DYSF: variants seen among roughly 807,000 people sequenced by gnomAD.
The protein encoded by DYSF is dystrophy-associated fer-1-like 1.
A neutral mutation model predicts 274.9 loss-of-function variants in DYSF; 212 were observed. The observed-to-expected ratio is 0.77, with a 90% CI of 0.69 to 0.86. The LOEUF (loss-of-function observed/expected upper bound fraction) is 0.86, where lower values mean the gene tolerates loss of function less well. Ranked by LOEUF, DYSF falls within the 40% of genes least tolerant of loss-of-function variation. DYSF has a pLI of 0.00. For synonymous variants in DYSF, 1,091 were observed against 1,078.7 expected (o/e 1.01, Z -0.22); for missense variants, 2,666 against 2,783.2 (o/e 0.96, Z 0.95).
At chr2:71,574,520 G>C in intron 30 of DYSF, 149 bp downstream of exon 30, 1 of 983,448 alleles carries the variant, frequency 1.0e-6, no homozygotes, top group South Asian at 1.7e-5. Context: ...GTACCTGTGG[G>C]GTGGCATGTG....
Position 71,561,892 on chromosome 2 carries a change from C to A in DYSF, c.2357C>A (p.Ala786Asp). The part of the protein sequence containing the change: ...LKLGHSELPA[A>D]LEQAEDWLLR... The stretch of plus-strand genomic sequence containing the variant: ...CTCGGCCACAGTGAGCTCCCTGCAG[C>A]TCTGGAGCAGGCGGAGGACTGGCTC... The change falls in exon 23 of 56, where the codon GCT becomes GAT. Residue 786 changes from alanine to aspartate, a missense_variant. Transcript: ENST00000410020. The A allele has an allele frequency of 6.2e-7, 1 of 1,614,192 alleles. No individual in the cohort carries two copies. Among genetic ancestry groups the A allele is most frequent in the South Asian group, 1.1e-5 (1 of 91,084 alleles).
At chr2:71,678,969 G>A in intron 52 of DYSF, 88 bp from the exon 53 acceptor site, 1 of 1,299,704 alleles carries the variant, frequency 7.7e-7, no homozygotes, top group Non-Finnish European at 1.1e-6. Flanking sequence ...AGGTGACTGA[G>A]TTTTTCCTGA....
Position 71,563,865 on chromosome 2 carries a change from C to T in DYSF, c.2410-193C>T, listed in dbSNP as rs757329776. 3.3e-5 allele frequency among the ~76,000 whole-genome samples: 5 copies of T among 152,198 alleles called. 1 individual carries two copies. Among genetic ancestry groups the T allele is most frequent in the African/African-American group, 4.8e-5 (2 of 41,448 alleles). ...CCTTATGCTCTGTTCTCTGGGGGCTCACCGCCACTCAAGCCAGACACTGGC... is the reference window on the plus strand; with the variant it reads ...CCTTATGCTCTGTTCTCTGGGGGCTTACCGCCACTCAAGCCAGACACTGGC... On this transcript the variant is annotated intron_variant, in intron 23 of 55. Transcript: ENST00000410020.
intron 3 of DYSF, among the ~76,000 whole-genome samples, chr2:71,496,721 C>T (rs1355341987): frequency 1.3e-5 from 2 of 152,008 alleles, no homozygotes; most frequent in Admixed American, 1.3e-4. Context: ...AGTCCTTTAC[C>T]ATCTCCAGGA....
intron 29 of DYSF, among the ~76,000 whole-genome samples, chr2:71,572,900 C>A (rs1465414271): frequency 2.0e-5 from 3 of 152,214 alleles, no homozygotes; most frequent in African/African-American, 7.2e-5. Flanking sequence ...GCAATGCAAG[C>A]ACACATGCCC....
At chr2:71,665,673 T>A (rs534046410) in intron 47 of DYSF, among the ~76,000 whole-genome samples, 1 of 152,170 alleles carries the variant, frequency 6.6e-6, no homozygotes, top group African/African-American at 2.4e-5. Context: ...TGGGGTACAG[T>A]CCACTTCTCA....
In DYSF at chr2:71,526,385, G is replaced by T. The variant is rs375636962; in HGVS notation, c.1276+39G>T. The T allele has an allele frequency of 1.9e-6, 3 of 1,601,916 alleles. No homozygotes were observed. In the Admixed American group the frequency reaches 5.0e-5, roughly 27 times the overall value. On this transcript the variant is annotated intron_variant, in intron 13 of 55. Transcript: ENST00000410020. ...GCCCTTGGGTGGGAGGTCTGCAGGA[G>T]GCTGGAGGCGCAGGGCTGGTGGGGG...
Position 71,590,358 on chromosome 2 carries a change from C to T in DYSF, c.3574+70C>T, listed in dbSNP as rs570944913. On this transcript the variant is annotated intron_variant, in intron 32 of 55. Coordinates refer to ENST00000410020, the MANE Select transcript of DYSF (RefSeq NM_001130987.2). ...TCTGGGAATGGAGACATCTGGCTTT[C>T]GGGCAACAAGGGGTGCTGTTTGCTG... 31 of 1,565,124 alleles carry T rather than the reference C, an allele frequency of 2.0e-5. No individual in the cohort carries two copies. The East Asian group carries it at 3.6e-4, about 18-fold the overall frequency.
intron 42 of DYSF, among the ~76,000 whole-genome samples, chr2:71,647,005 ACT>A (rs34610398): frequency 0.1 from 15,965 of 152,166 alleles, 890 homozygotes; most frequent in South Asian, 0.16. Context: ...CAATGAAAAG[ACT>A]CTCAAATATT....
At chr2:71,602,375 C>G (rs756681875) in intron 35 of DYSF, among the ~76,000 whole-genome samples, 15 of 152,206 alleles carry the variant, frequency 9.9e-5, no homozygotes, top group Non-Finnish European at 1.9e-4. Context: ...AGCTCCTGCT[C>G]TCAGTGCTGC....
chr2:71,511,226 G>C (rs1192485054), intron 4 of DYSF, among the ~76,000 whole-genome samples: 1 of 152,246 alleles, frequency 6.6e-6, no homozygotes, highest in Non-Finnish European at 1.5e-5. Context: ...GGATGTGCTG[G>C]GGGGCAGGAA....
chr2:71,458,873 A>G (rs1433284629), intron 1 of DYSF, among the ~76,000 whole-genome samples: 1 of 152,200 alleles, frequency 6.6e-6, no homozygotes, highest in African/African-American at 2.4e-5. Flanking sequence ...GTCCAATCAC[A>G]TGCCTCAGGT....
At chr2:71,617,881 T>C (rs1574386566) in intron 40 of DYSF, among the ~76,000 whole-genome samples, 1 of 92,884 alleles carries the variant, frequency 1.1e-5, no homozygotes, top group Non-Finnish European at 2.2e-5. Flanking sequence ...AGAGGTGGGG[T>C]GTGTGTGGTA....
At chr2:71,665,087 C>G in intron 46 of DYSF, 75 bp from the exon 47 acceptor site, 1 of 1,603,344 alleles carries the variant, frequency 6.2e-7, no homozygotes, top group Non-Finnish European at 8.5e-7. Flanking sequence ...TGGGGGTACA[C>G]CAGTCCCTGC....
At chr2:71,614,607 G>C (rs2093841970) in intron 40 of DYSF, among the ~76,000 whole-genome samples, 1 of 152,194 alleles carries the variant, frequency 6.6e-6, no homozygotes. Context: ...TCACTGTGCT[G>C]CTCTAGGGCC....
intron 4 of DYSF, among the ~76,000 whole-genome samples, chr2:71,506,408 C>A (rs1028944239): frequency 3.9e-5 from 6 of 152,152 alleles, no homozygotes; most frequent in Non-Finnish European, 7.4e-5. Flanking sequence ...ACCGAGGTTA[C>A]CCTGCTCCAG....
chr2:71,516,207 C>T lies in DYSF; in HGVS notation c.916C>T (p.Pro306Ser), dbSNP rs529400653. ...TCTTTTCTTCAACTTGTTTGACTCT[C>T]CTGGGGAGCTGTTTGATGAGCCCAT... ...ETLFFNLFDS[P>S]GELFDEPIFI... Residue 306 changes from proline (P) to serine (S), a missense_variant, in exon 9 of 56, where the codon CCT (proline) becomes TCT (serine). Pro to Ser is a moderately conservative substitution (Grantham distance 74). Transcript: ENST00000410020. The T allele has an allele frequency of 1.2e-6, 2 of 1,614,234 alleles. No individual in the cohort carries two copies. The highest frequency in any genetic ancestry group is 2.7e-5 in the African/African-American group (2 of 75,066).
At chr2:71,625,668 A>G (rs1259110019) in intron 41 of DYSF, among the ~76,000 whole-genome samples, 1 of 152,034 alleles carries the variant, frequency 6.6e-6, no homozygotes, top group Non-Finnish European at 1.5e-5. Flanking sequence ...TCAGTTTTAG[A>G]ATCAGCTTGT....
Position 71,564,140 on chromosome 2 carries a change from A to G in DYSF, c.2492A>G (p.Gln831Arg). 1 of 1,614,222 alleles carries G rather than the reference A, an allele frequency of 6.2e-7. No individual in the cohort carries two copies. The highest frequency in any genetic ancestry group is 8.5e-7 in the Non-Finnish European group (1 of 1,180,034). ...RVAYQRVPAH[Q>R]VLFSRRGANY... ...GCATACCAGCGGGTGCCCGCCCACC[A>G]AGTCCTCTTCTCCCGGCGGGGTGCC... The change falls in exon 24 of 56, where the codon CAA (glutamine) becomes CGA (arginine). Residue 831 changes from glutamine (Q) to arginine (R), a missense_variant. Coordinates refer to ENST00000410020, the MANE Select transcript of DYSF (RefSeq NM_001130987.2).
Sources: gnomAD v4.1 joint callset for allele counts (sites outside exome capture counted in the v4.1 genomes callset) on GRCh38, gnomAD v4.1.1 for gene constraint, MANE v1.5 for transcripts, NCBI Gene and HGNC (gene_info 2026-07-23, HGNC 2026-07-21) for gene names.